Variants in CNTN5 observed in about 807,000 individuals in gnomAD.
CNTN5 encodes contactin-5.
A neutral mutation model predicts 129.1 loss-of-function variants in CNTN5; 77 were observed. That is an observed-to-expected ratio of 0.60 (90% CI 0.50 to 0.72). The LOEUF (loss-of-function observed/expected upper bound fraction) is 0.72. CNTN5 is among the 30% of genes least tolerant of loss of function. The pLI is 0.00. For missense variants in CNTN5, 1,478 were observed against 1,328.8 expected, an observed-to-expected ratio of 1.11 and a Z score of -1.75; for synonymous variants, 509 against 465.6, an observed-to-expected ratio of 1.09 and a Z score of -1.20.
At chr11:99,066,217 C>T (rs1219669275) in intron 1 of CNTN5, among the ~76,000 whole-genome samples, 2 of 152,108 alleles carry the variant, frequency 1.3e-5, no homozygotes, top group African/African-American at 4.8e-5. Context: ...GATTCTCCTG[C>T]CTCAGCCTCC....
At chr11:99,309,701 T>C (rs1865026063) in intron 1 of CNTN5, among the ~76,000 whole-genome samples, 1 of 152,186 alleles carries the variant, frequency 6.6e-6, no homozygotes, top group African/African-American at 2.4e-5. Flanking sequence ...CAGAATAATA[T>C]CCCAAGACTC....
intron 1 of CNTN5, among the ~76,000 whole-genome samples, chr11:99,259,599 A>T (rs7942984): frequency 0.015 from 2,263 of 151,862 alleles, 60 homozygotes; most frequent in African/African-American, 0.051. Flanking sequence ...AACTACAGTA[A>T]TTTTATTTGG....
At chr11:99,877,233 C>G (rs950249553) in intron 6 of CNTN5, among the ~76,000 whole-genome samples, 2 of 152,124 alleles carry the variant, frequency 1.3e-5, no homozygotes, top group Non-Finnish European at 2.9e-5. Flanking sequence ...AGAACATGCT[C>G]CAGTTTTATG....
chr11:99,640,085 TATCAGCATTTTGGACA>T (rs1157858598), intron 3 of CNTN5, among the ~76,000 whole-genome samples: 1 of 152,184 alleles, frequency 6.6e-6, no homozygotes, highest in Admixed American at 6.5e-5. Flanking sequence ...TTCATATTAC[TATCAGCATTTTGGACA>T]AAGCCACTCA....
rs1263139304 is a variant in CNTN5, at chr11:100,090,450, T to TTC, written c.1580+16156_1580+16157insTC. Among the ~76,000 whole-genome samples, 10 of 115,076 alleles carry TTC rather than the reference T, an allele frequency of 8.7e-5. No homozygotes were observed. In the East Asian group the frequency reaches 2.2e-3, roughly 25 times the overall value. 75.5% of individuals were successfully genotyped at this position (115,076 alleles called of 152,430 possible). On this transcript the variant is annotated intron_variant, in intron 13 of 24. Transcript: ENST00000524871. Reference sequence around the variant, plus strand: ...CTGCCTGCCTTCCTTCCTTCCTTCCTCTCTTTCTCTTTCTTTCTTTTTCTC... The same window carrying TTC: ...CTGCCTGCCTTCCTTCCTTCCTTCCTTCCTCTTTCTCTTTCTTTCTTTTTCTC...
chr11:100,319,897 A>C (rs1033969037), intron 21 of CNTN5, among the ~76,000 whole-genome samples: 1 of 152,118 alleles, frequency 6.6e-6, no homozygotes, highest in Admixed American at 6.5e-5. Context: ...TCTTTTTTAT[A>C]GTTGAATGGT....
At chr11:99,434,840 T>C (rs1266602467) in intron 2 of CNTN5, among the ~76,000 whole-genome samples, 1 of 152,174 alleles carries the variant, frequency 6.6e-6, no homozygotes, top group Non-Finnish European at 1.5e-5. Context: ...GTTTTGACAA[T>C]TCAAGAGAAA....
At chr11:99,320,709 C>G (rs1034663708) in intron 1 of CNTN5, among the ~76,000 whole-genome samples, 32 of 152,180 alleles carry the variant, frequency 2.1e-4, no homozygotes, top group African/African-American at 7.5e-4. Flanking sequence ...TATAGTTGTA[C>G]TGTTTAAGAA....
At chr11:99,301,877 T>C (rs1368298348) in intron 1 of CNTN5, among the ~76,000 whole-genome samples, 1 of 151,564 alleles carries the variant, frequency 6.6e-6, no homozygotes, top group South Asian at 2.1e-4. Flanking sequence ...GCATGTAAAG[T>C]ATGGACTCAA....
chr11:99,800,262 G>C (rs1946072779), intron 3 of CNTN5, among the ~76,000 whole-genome samples: 1 of 151,974 alleles, frequency 6.6e-6, no homozygotes, highest in Non-Finnish European at 1.5e-5. Context: ...ACTTGGTTTT[G>C]AGAGGACTTC....
chr11:99,859,487 AGTTT>A (rs1948141729), intron 6 of CNTN5, among the ~76,000 whole-genome samples: 1 of 152,076 alleles, frequency 6.6e-6, no homozygotes, highest in Admixed American at 6.6e-5. Flanking sequence ...CCCAGTAGTT[AGTTT>A]CTCAGCCTTC....
chr11:99,302,347 A>G (rs1334146642), intron 1 of CNTN5, among the ~76,000 whole-genome samples: 1 of 151,780 alleles, frequency 6.6e-6, no homozygotes, highest in African/African-American at 2.4e-5. Flanking sequence ...AGATAAAAAT[A>G]AAGAAAACAC....
intron 13 of CNTN5, among the ~76,000 whole-genome samples, chr11:100,086,566 G>A (rs1168450961): frequency 6.6e-6 from 1 of 150,568 alleles, no homozygotes; most frequent in African/African-American, 2.4e-5. Flanking sequence ...ATGTGTGTGT[G>A]TATATATATA....
intron 1 of CNTN5, among the ~76,000 whole-genome samples, chr11:99,239,663 C>T (rs1402372601): frequency 4.6e-5 from 7 of 152,078 alleles, no homozygotes; most frequent in Admixed American, 1.3e-4. Context: ...AGGCCGGGCG[C>T]GGTGGCTCAC....
chr11:99,821,387 G>A (rs1259945051), intron 4 of CNTN5, among the ~76,000 whole-genome samples: 1 of 152,170 alleles, frequency 6.6e-6, no homozygotes, highest in East Asian at 1.9e-4. Flanking sequence ...CCTACTGTGA[G>A]CTGATCCTAT....
intron 18 of CNTN5, among the ~76,000 whole-genome samples, chr11:100,280,568 T>A (rs202221448): frequency 1.3e-5 from 2 of 152,060 alleles, no homozygotes; most frequent in Non-Finnish European, 2.9e-5. Context: ...AATCTATGAG[T>A]GTCTTTATAG....
intron 8 of CNTN5, among the ~76,000 whole-genome samples, chr11:99,981,734 C>A (rs1329544298): frequency 6.6e-6 from 1 of 152,138 alleles, no homozygotes; most frequent in African/African-American, 2.4e-5. Context: ...ATTATAAATT[C>A]TTTAATGTAT....
chr11:100,056,821 G>A (rs1006559036), intron 9 of CNTN5, among the ~76,000 whole-genome samples: 1 of 151,540 alleles, frequency 6.6e-6, no homozygotes, highest in African/African-American at 2.4e-5. Flanking sequence ...TATTGATATG[G>A]GTTATTTTAG....
intron 3 of CNTN5, among the ~76,000 whole-genome samples, chr11:99,647,265 C>T (rs535479884): frequency 3.9e-5 from 6 of 152,120 alleles, no homozygotes; most frequent in Non-Finnish European, 8.8e-5. Context: ...TTTGGATATC[C>T]AATTTTCCCC....
Sources: allele counts gnomAD v4.1 joint callset (sites outside exome capture counted in the v4.1 genomes callset), GRCh38; gene constraint gnomAD v4.1.1; transcripts MANE v1.5; gene names NCBI Gene and HGNC (gene_info 2026-07-23, HGNC 2026-07-21).